Variants in NRXN3 observed in about 807,000 individuals in gnomAD.
The protein encoded by NRXN3 is neurexin 3.
A neutral mutation model predicts 137.6 loss-of-function variants in NRXN3; 32 were observed. The ratio of observed to expected loss-of-function variants is 0.23; its 90% confidence interval spans 0.18 to 0.31. The LOEUF (loss-of-function observed/expected upper bound fraction) is 0.31. Among genes scored for constraint, NRXN3 ranks in the 10% least tolerant of loss-of-function variants. NRXN3 has a pLI of 1.00. For synonymous variants in NRXN3, 798 were observed against 784.5 expected (o/e 1.02, Z -0.29); for missense variants, 1,574 against 2,062.5 (o/e 0.76, Z 4.59).
chr14:79,482,081 T>C (rs2096614554), intron 16 of NRXN3, among the ~76,000 whole-genome samples: 1 of 152,206 alleles, frequency 6.6e-6, no homozygotes, highest in Non-Finnish European at 1.5e-5. Context: ...TAATGGTTGG[T>C]AATTATTTAA....
chr14:79,652,282 T>A (rs1466067928), intron 16 of NRXN3, among the ~76,000 whole-genome samples: 1 of 152,076 alleles, frequency 6.6e-6, no homozygotes, highest in African/African-American at 2.4e-5. Context: ...CTTCGTCATG[T>A]TAATGAACAA....
intron 15 of NRXN3, among the ~76,000 whole-genome samples, chr14:79,331,319 C>T (rs1216848080): frequency 2.0e-5 from 3 of 152,140 alleles, no homozygotes; most frequent in Non-Finnish European, 4.4e-5. Flanking sequence ...TATTCCTAAC[C>T]TCTCCACAGA....
chr14:79,458,546 G>C lies in NRXN3; in HGVS notation c.3263-8675G>C, dbSNP rs190213589. Among the ~76,000 whole-genome samples, 979 of 152,244 alleles carry C rather than the reference G, an allele frequency of 6.4e-3. 8 individuals are homozygous for C. The highest frequency in any genetic ancestry group is 0.022 in the African/African-American group (905 of 41,554). On this transcript the variant is annotated intron_variant, in intron 15 of 20. Transcript: ENST00000335750. ...ATTAGTTCAACAGCATTTATTTCCT[G>C]TGCATTCACAGTGTTGAGAGATAAA...
chr14:78,977,459 G>C (rs1463925638), intron 14 of NRXN3, among the ~76,000 whole-genome samples: 1 of 151,974 alleles, frequency 6.6e-6, no homozygotes, highest in Non-Finnish European at 1.5e-5. Context: ...TCAGTGCCTA[G>C]AAAACAAGGA....
chr14:78,399,213 T>C (rs1328265704), intron 4 of NRXN3, among the ~76,000 whole-genome samples: 1 of 152,212 alleles, frequency 6.6e-6, no homozygotes, highest in Non-Finnish European at 1.5e-5. Context: ...CTCCTATCAT[T>C]TCTTATGGTT....
intron 19 of NRXN3, among the ~76,000 whole-genome samples, chr14:79,802,945 C>A (rs2099187650): frequency 6.6e-6 from 1 of 152,016 alleles, no homozygotes; most frequent in African/African-American, 2.4e-5. Context: ...GGGCTTAATA[C>A]CTAGGTGATG....
At chr14:79,607,314 A>G (rs1202253747) in intron 16 of NRXN3, among the ~76,000 whole-genome samples, 5 of 152,232 alleles carry the variant, frequency 3.3e-5, no homozygotes, top group Non-Finnish European at 7.3e-5. Context: ...GTTAAACAGA[A>G]CCTTTCTTCT....
At chr14:78,693,835 A>T (rs2098198645) in intron 6 of NRXN3, among the ~76,000 whole-genome samples, 1 of 151,832 alleles carries the variant, frequency 6.6e-6, no homozygotes, top group Non-Finnish European at 1.5e-5. Flanking sequence ...GGATCAAGTT[A>T]AAACTTCTAC....
intron 10 of NRXN3, among the ~76,000 whole-genome samples, chr14:78,840,371 A>G (rs763187146): frequency 2.0e-5 from 3 of 152,220 alleles, no homozygotes; most frequent in Non-Finnish European, 2.9e-5. Flanking sequence ...ACATAAAGGT[A>G]ACAAGAATGA....
intron 4 of NRXN3, among the ~76,000 whole-genome samples, chr14:78,427,953 G>A (rs893418596): frequency 1.3e-5 from 2 of 152,176 alleles, no homozygotes; most frequent in Non-Finnish European, 2.9e-5. Context: ...GCAGTGCTTA[G>A]GCACCAAATG....
chr14:78,836,377 C>T (rs2098997008), intron 10 of NRXN3, among the ~76,000 whole-genome samples: 1 of 152,170 alleles, frequency 6.6e-6, no homozygotes, highest in Non-Finnish European at 1.5e-5. Context: ...TCTTGGGAGG[C>T]TATTCAGTGA....
chr14:78,805,115 T>A (rs7142976), intron 9 of NRXN3, among the ~76,000 whole-genome samples: 136,721 of 151,746 alleles, frequency 0.9, 63,081 homozygotes, highest in East Asian at 1. Flanking sequence ...AAACCTAAAA[T>A]CTCTGGGACA....
intron 4 of NRXN3, chr14:78,403,804 C>G (rs180818834): frequency 2.0e-6 from 2 of 985,286 alleles, no homozygotes; most frequent in Non-Finnish European, 2.4e-6. Flanking sequence ...GTTTCTGCCC[C>G]CTGAGGTTGT....
At chr14:79,033,811 C>A (rs1418888963) in intron 15 of NRXN3, among the ~76,000 whole-genome samples, 2 of 152,018 alleles carry the variant, frequency 1.3e-5, no homozygotes, top group Non-Finnish European at 2.9e-5. Flanking sequence ...TTGTGAGAGA[C>A]ACAATGAGGC....
At chr14:79,603,760 A>C (rs2097957905) in intron 16 of NRXN3, among the ~76,000 whole-genome samples, 1 of 152,236 alleles carries the variant, frequency 6.6e-6, no homozygotes, top group African/African-American at 2.4e-5. Context: ...TCAGTTAATG[A>C]AAACTTGGTA....
chr14:78,859,960 A>G (rs527268883), intron 10 of NRXN3, among the ~76,000 whole-genome samples: 1 of 152,250 alleles, frequency 6.6e-6, no homozygotes, highest in South Asian at 2.1e-4. Flanking sequence ...AGCAAGAGCT[A>G]CTGAAGATTA....
chr14:78,325,288 C>T (rs1328455629), intron 4 of NRXN3, among the ~76,000 whole-genome samples: 1 of 151,810 alleles, frequency 6.6e-6, no homozygotes, highest in Non-Finnish European at 1.5e-5. Context: ...TCCTTATAGC[C>T]ACAGTGTTGC....
intron 4 of NRXN3, among the ~76,000 whole-genome samples, chr14:78,555,584 A>T (rs1360114361): frequency 6.6e-6 from 1 of 152,232 alleles, no homozygotes; most frequent in Non-Finnish European, 1.5e-5. Context: ...TTTGACTTGA[A>T]CAGTCACCAG....
At chr14:78,231,888 T>C (rs1204628505) in intron 1 of NRXN3, among the ~76,000 whole-genome samples, 1 of 152,222 alleles carries the variant, frequency 6.6e-6, no homozygotes. Flanking sequence ...GCCTTTCCAC[T>C]GGCTTTCCAA....
Sources: gnomAD v4.1 joint callset for allele counts (sites outside exome capture counted in the v4.1 genomes callset) on GRCh38, gnomAD v4.1.1 for gene constraint, MANE v1.5 for transcripts, NCBI Gene and HGNC (gene_info 2026-07-23, HGNC 2026-07-21) for gene names.